KCNQ3: variants seen among roughly 807,000 people sequenced by gnomAD.
The protein encoded by KCNQ3 is potassium voltage-gated channel subfamily Q member 3, also known as potassium voltage-gated channel subfamily KQT member 3.
A neutral mutation model predicts 92.5 loss-of-function variants in KCNQ3; 30 were observed. The observed-to-expected ratio is 0.32, with a 90% CI of 0.24 to 0.44. KCNQ3 has a LOEUF of 0.44. KCNQ3 is among the 20% of genes least tolerant of loss of function. The pLI is 1.00. For missense variants in KCNQ3, 913 were observed against 1,140.3 expected (o/e 0.80, Z 2.87); for synonymous variants, 450 against 468.8 (o/e 0.96, Z 0.52).
chr8:132,284,946 T>A (rs4642625), intron 1 of KCNQ3, among the ~76,000 whole-genome samples: 89,665 of 152,084 alleles, frequency 0.59, 27,376 homozygotes, highest in East Asian at 0.82. Flanking sequence ...CTTTTCTGCC[T>A]TGCTATTAAG....
chr8:132,304,236 A>G (rs1172050442), intron 1 of KCNQ3, among the ~76,000 whole-genome samples: 1 of 152,224 alleles, frequency 6.6e-6, no homozygotes, highest in East Asian at 1.9e-4. Context: ...ATAAAAGTCT[A>G]GAATTCACCA....
chr8:132,153,591 C>T (rs1825701375), intron 9 of KCNQ3, among the ~76,000 whole-genome samples: 1 of 152,126 alleles, frequency 6.6e-6, no homozygotes, highest in South Asian at 2.1e-4. Context: ...CTGATTAAGC[C>T]AAGCTTCCCA....
chr8:132,276,509 G>A (rs934206421), intron 1 of KCNQ3, among the ~76,000 whole-genome samples: 6 of 152,130 alleles, frequency 3.9e-5, no homozygotes, highest in Non-Finnish European at 5.9e-5. Flanking sequence ...AGTGGTGGGA[G>A]CTCATTACCT....
intron 1 of KCNQ3, among the ~76,000 whole-genome samples, chr8:132,439,934 G>A (rs980942557): frequency 6.6e-6 from 1 of 152,184 alleles, no homozygotes; most frequent in Non-Finnish European, 1.5e-5. Flanking sequence ...TGTCCATAGA[G>A]GATTGGTTCT....
At chr8:132,317,538 A>C (rs1817777709) in intron 1 of KCNQ3, among the ~76,000 whole-genome samples, 1 of 152,176 alleles carries the variant, frequency 6.6e-6, no homozygotes, top group Admixed American at 6.5e-5. Context: ...GCGTCCAGTC[A>C]CCTGTGGTGC....
intron 1 of KCNQ3, among the ~76,000 whole-genome samples, chr8:132,263,720 G>T (rs1339384363): frequency 1.3e-5 from 2 of 152,212 alleles, no homozygotes; most frequent in Non-Finnish European, 2.9e-5. Flanking sequence ...GGATGTAGAG[G>T]CTCCTTCTTC....
intron 1 of KCNQ3, among the ~76,000 whole-genome samples, chr8:132,189,340 C>A (rs1237011585): frequency 6.6e-6 from 1 of 152,214 alleles, no homozygotes; most frequent in Non-Finnish European, 1.5e-5. Context: ...CCAGCATGGA[C>A]AACAACCCGT....
chr8:132,205,003 ATCCAG>A (rs1813611618), intron 1 of KCNQ3, among the ~76,000 whole-genome samples: 2 of 152,194 alleles, frequency 1.3e-5, no homozygotes. Flanking sequence ...TCTAATGTCC[ATCCAG>A]GAAAGCTGAT....
At chr8:132,206,357 C>T (rs952067496) in intron 1 of KCNQ3, among the ~76,000 whole-genome samples, 1 of 152,176 alleles carries the variant, frequency 6.6e-6, no homozygotes, top group Non-Finnish European at 1.5e-5. Context: ...TGACAGACAC[C>T]TTGGTCCTAT....
intron 1 of KCNQ3, among the ~76,000 whole-genome samples, chr8:132,406,877 A>C (rs560318398): frequency 4.5e-4 from 68 of 152,336 alleles, no homozygotes; most frequent in African/African-American, 1.6e-3. Flanking sequence ...ACAATGGAAG[A>C]AAGGGGCCAA....
intron 4 of KCNQ3, among the ~76,000 whole-genome samples, chr8:132,176,954 G>T (rs1029455863): frequency 6.6e-6 from 1 of 152,160 alleles, no homozygotes; most frequent in African/African-American, 2.4e-5. Flanking sequence ...TAATACAGGC[G>T]ACCCAGCCAG....
intron 5 of KCNQ3, among the ~76,000 whole-genome samples, chr8:132,174,593 A>G (rs1464482709): frequency 1.3e-5 from 2 of 152,204 alleles, no homozygotes; most frequent in Admixed American, 6.5e-5. Context: ...GCAAATGTGT[A>G]TGTACACGAG....
In KCNQ3 at chr8:132,303,677, T is replaced by TATATATATATATACACACAC. The variant is rs376933089; in HGVS notation, c.387-117497_387-117496insGTGTGTGTATATATATATAT. Among the ~76,000 whole-genome samples the TATATATATATATACACACAC allele has an allele frequency of 3.2e-3, 279 of 85,996 alleles. 21 individuals carry two copies. Among genetic ancestry groups the TATATATATATATACACACAC allele is most frequent in the African/African-American group, 0.012 (269 of 22,188 alleles). The allele number at this position is 85,996 out of a possible 152,430, so 56.4% of individuals were successfully genotyped here. ...TTTATGGTGTGTGTGTATATATATATACACACACACAGCCACACCACACAC... is the reference window on the plus strand; with the variant it reads ...TTTATGGTGTGTGTGTATATATATATATATATATATATACACACACACACACACACAGCCACACCACACAC... On this transcript the variant is annotated intron_variant, in intron 1 of 14. Transcript: ENST00000388996.
At chr8:132,340,055 A>C (rs1818480592) in intron 1 of KCNQ3, among the ~76,000 whole-genome samples, 1 of 152,222 alleles carries the variant, frequency 6.6e-6, no homozygotes. Context: ...TCAAAACCAC[A>C]ATGAGATACC....
intron 3 of KCNQ3, among the ~76,000 whole-genome samples, chr8:132,183,390 G>A (rs924676148): frequency 6.6e-6 from 1 of 152,154 alleles, no homozygotes; most frequent in Admixed American, 6.5e-5. Flanking sequence ...TGCAAGCAGA[G>A]CCAGGTGACC....
chr8:132,160,222 A>G (rs552505865), intron 9 of KCNQ3, among the ~76,000 whole-genome samples: 1 of 152,316 alleles, frequency 6.6e-6, no homozygotes, highest in Non-Finnish European at 1.5e-5. Context: ...CGTCCATTGT[A>G]TTAGCCGAGG....
At position 132,123,780 on chromosome 8, in the gene KCNQ3, T is replaced by C. The variant is rs192695801; in HGVS notation, c.*5482A>G. 7.2e-5 allele frequency: 11 copies of C among 152,320 alleles called. No homozygotes were observed. In the East Asian group the frequency reaches 1.7e-3, roughly 24 times the overall value. 9.4% of individuals were successfully genotyped at this position (152,320 alleles called of 1,614,324 possible). ...AAATCTCTTCTTGCTCTGTGTATCT[T>C]AGAATCCATGAAATTATGTCTCTTT... On this transcript the variant is annotated 3_prime_UTR_variant, in exon 15 of 15. Transcript: ENST00000388996.
intron 1 of KCNQ3, among the ~76,000 whole-genome samples, chr8:132,254,909 G>T (rs531747481): frequency 1.3e-5 from 2 of 152,204 alleles, no homozygotes; most frequent in South Asian, 4.2e-4. Context: ...GACTGGTTCA[G>T]CAATGGTGAA....
At chr8:132,411,644 C>T (rs1820655171) in intron 1 of KCNQ3, among the ~76,000 whole-genome samples, 1 of 152,138 alleles carries the variant, frequency 6.6e-6, no homozygotes, top group Admixed American at 6.5e-5. Context: ...CAGGGACACA[C>T]ACACACAACA....
Sources: allele counts gnomAD v4.1 joint callset (sites outside exome capture counted in the v4.1 genomes callset), GRCh38; gene constraint gnomAD v4.1.1; transcripts MANE v1.5; gene names NCBI Gene and HGNC (gene_info 2026-07-23, HGNC 2026-07-21).